HECW2: variants seen among roughly 807,000 people sequenced by gnomAD.
HECW2 encodes the protein HECT, C2 and WW domain containing E3 ubiquitin protein ligase 2.
A neutral mutation model predicts 175.2 loss-of-function variants in HECW2; 61 were observed. The observed-to-expected ratio is 0.35, with a 90% CI of 0.28 to 0.43. HECW2 has a LOEUF of 0.43. Among genes scored for constraint, HECW2 ranks in the 20% least tolerant of loss-of-function variants. The pLI is 1.00. For synonymous variants in HECW2, 671 were observed against 731.0 expected (o/e 0.92, Z 1.32); for missense variants, 1,524 against 2,000.5 (o/e 0.76, Z 4.54).
At chr2:196,363,879 A>C (rs1039960558) in intron 2 of HECW2, among the ~76,000 whole-genome samples, 1 of 152,168 alleles carries the variant, frequency 6.6e-6, no homozygotes, top group African/African-American at 2.4e-5. Context: ...AAGAATAAAT[A>C]TATTTCCTCT....
chr2:196,503,169 G>A (rs1435701828), intron 1 of HECW2, among the ~76,000 whole-genome samples: 9 of 152,136 alleles, frequency 5.9e-5, no homozygotes, highest in Non-Finnish European at 2.9e-5. Context: ...TTGGGACTGA[G>A]AGTGTGTATA....
At chr2:196,330,670 A>T (rs6434838) in intron 4 of HECW2, among the ~76,000 whole-genome samples, 147,847 of 152,158 alleles carry the variant, frequency 0.97, 71,902 homozygotes, top group Non-Finnish European at 0.99. Context: ...TCTCCCACCA[A>T]CCTCCATGCG....
chr2:196,471,269 C>T (rs2125350630), intron 1 of HECW2, among the ~76,000 whole-genome samples: 1 of 152,244 alleles, frequency 6.6e-6, no homozygotes, highest in South Asian at 2.1e-4. Context: ...CAGTGAGATA[C>T]CATCTCATAC....
At chr2:196,565,423 A>T (rs1417912527) in intron 1 of HECW2, among the ~76,000 whole-genome samples, 1 of 152,232 alleles carries the variant, frequency 6.6e-6, no homozygotes, top group Non-Finnish European at 1.5e-5. Context: ...TTTAAAAAAA[A>T]ATTTAACTTG....
At chr2:196,227,310 A>G (rs1011806810) in intron 22 of HECW2, among the ~76,000 whole-genome samples, 2 of 49,640 alleles carry the variant, frequency 4.0e-5, no homozygotes, top group African/African-American at 7.0e-5. Context: ...GAACAGGAAC[A>G]AGCAAACAGG....
At chr2:196,408,893 G>A (rs1391409495) in intron 2 of HECW2, among the ~76,000 whole-genome samples, 2 of 152,070 alleles carry the variant, frequency 1.3e-5, no homozygotes, top group Non-Finnish European at 2.9e-5. Flanking sequence ...TCGCCATAAG[G>A]GGCCCACCTA....
chr2:196,405,567 C>T lies in HECW2; in HGVS notation c.292+27565G>A, dbSNP rs144128762. Among the ~76,000 whole-genome samples the T allele has an allele frequency of 9.2e-5, 14 of 151,580 alleles. No homozygotes were observed. In the South Asian group the frequency reaches 1.0e-3, roughly 11 times the overall value. On this transcript the variant is annotated intron_variant, in intron 2 of 28. Transcript: ENST00000644978. ...TGTCTCTGCTCCTGTTGAAGTCCAACCCCCCATCTTATGCTCTAAATCCCA... is the reference window on the plus strand; with the variant it reads ...TGTCTCTGCTCCTGTTGAAGTCCAATCCCCCATCTTATGCTCTAAATCCCA...
At chr2:196,545,216 C>T (rs1689370596) in intron 1 of HECW2, among the ~76,000 whole-genome samples, 1 of 152,204 alleles carries the variant, frequency 6.6e-6, no homozygotes, top group Non-Finnish European at 1.5e-5. Context: ...CTCTGGGAAC[C>T]ATTCATCACC....
intron 18 of HECW2, 130 bp downstream of exon 18, chr2:196,257,693 A>T (rs975321009): frequency 1.4e-5 from 9 of 659,924 alleles, no homozygotes; most frequent in African/African-American, 1.3e-4. Flanking sequence ...AATCTTCAAA[A>T]TATTTCCACA....
chr2:196,477,182 C>A (rs1253275401), intron 1 of HECW2, among the ~76,000 whole-genome samples: 1 of 150,560 alleles, frequency 6.6e-6, no homozygotes, highest in Non-Finnish European at 1.5e-5. Flanking sequence ...AATATCATGA[C>A]CTCAACTTAT....
intron 25 of HECW2, 62 bp downstream of exon 25, chr2:196,220,733 A>T (rs1322626928): frequency 1.3e-6 from 2 of 1,526,972 alleles, no homozygotes; most frequent in Non-Finnish European, 1.8e-6. Flanking sequence ...AAGTACAATA[A>T]GATGGACTGT....
At chr2:196,582,111 A>T (rs1371100580) in intron 1 of HECW2, among the ~76,000 whole-genome samples, 1 of 145,026 alleles carries the variant, frequency 6.9e-6, no homozygotes, top group Non-Finnish European at 1.5e-5. Context: ...CCTTACCCTG[A>T]AGAAATTTAG....
At chr2:196,556,220 ATATG>A (rs1408657135) in intron 1 of HECW2, among the ~76,000 whole-genome samples, 3 of 152,332 alleles carry the variant, frequency 2.0e-5, no homozygotes, top group African/African-American at 2.4e-5. Context: ...ATGTTTTGAT[ATATG>A]TATGCATTAT....
At chr2:196,227,582 A>G (rs1263932766) in intron 22 of HECW2, among the ~76,000 whole-genome samples, 1 of 151,934 alleles carries the variant, frequency 6.6e-6, no homozygotes, top group East Asian at 1.9e-4. Context: ...AGGTCACTAC[A>G]CCAGCCCCAC....
intron 2 of HECW2, among the ~76,000 whole-genome samples, chr2:196,353,218 A>C (rs538846640): frequency 6.6e-6 from 1 of 152,262 alleles, no homozygotes; most frequent in African/African-American, 2.4e-5. Context: ...ACTTTCCCCG[A>C]GATACTGTTA....
chr2:196,240,297 T>TAA, intron 21 of HECW2, 152 bp downstream of exon 21: 5 of 428,540 alleles, frequency 1.2e-5, no homozygotes, highest in Admixed American at 4.3e-5. Flanking sequence ...GAGGAGACCT[T>TAA]TAAAAAAAAA....
chr2:196,278,461 C>A, intron 15 of HECW2, 67 bp downstream of exon 15: 2 of 1,474,648 alleles, frequency 1.4e-6, no homozygotes, highest in East Asian at 2.4e-5. Flanking sequence ...CAGTCAAATT[C>A]CTCAAACCAT....
intron 2 of HECW2, among the ~76,000 whole-genome samples, chr2:196,406,683 G>A (rs570572736): frequency 3.9e-5 from 6 of 152,216 alleles, no homozygotes; most frequent in South Asian, 2.1e-4. Flanking sequence ...CACCTGGCCC[G>A]CCATGCTCCA....
At chr2:196,424,186 C>A (rs1414076295) in intron 2 of HECW2, among the ~76,000 whole-genome samples, 2 of 151,974 alleles carry the variant, frequency 1.3e-5, no homozygotes, top group East Asian at 3.8e-4. Flanking sequence ...TTTTGAGGCA[C>A]CATGAACTGT....
Sources: gnomAD v4.1 joint callset for allele counts (sites outside exome capture counted in the v4.1 genomes callset) on GRCh38, gnomAD v4.1.1 for gene constraint, MANE v1.5 for transcripts, NCBI Gene and HGNC (gene_info 2026-07-23, HGNC 2026-07-21) for gene names.